TMEM200A: variants seen among roughly 807,000 people sequenced by gnomAD.
TMEM200A encodes transmembrane protein 200A, also known as two transmembrane C.
A neutral mutation model predicts 24.3 loss-of-function variants in TMEM200A; 12 were observed. The ratio of observed to expected loss-of-function variants is 0.49; its 90% CI spans 0.32 to 0.80. The LOEUF (loss-of-function observed/expected upper bound fraction) is 0.80, where lower values mean the gene tolerates loss of function less well. Among genes scored for constraint, TMEM200A ranks in the 30% least tolerant of loss-of-function variants. The probability of loss-of-function intolerance (pLI) is 0.04; values close to 1 mark genes in which losing one functional copy is unlikely to be tolerated. For missense variants in TMEM200A, 545 were observed against 614.4 expected (o/e 0.89, Z 1.19); for synonymous variants, 224 against 224.4 (o/e 1.00, Z 0.02).
intron 2 of TMEM200A, among the ~76,000 whole-genome samples, chr6:130,390,414 G>A (rs913146830): frequency 2.6e-5 from 4 of 152,206 alleles, no homozygotes; most frequent in African/African-American, 7.2e-5. Flanking sequence ...TTGTGTATCA[G>A]AGCAGCCCTA....
chr6:130,416,337 C>CTCTG (rs1554283337), intron 2 of TMEM200A, among the ~76,000 whole-genome samples: 10 of 149,044 alleles, frequency 6.7e-5, no homozygotes, highest in Non-Finnish European at 4.4e-5. Flanking sequence ...GTCTCTCTCT[C>CTCTG]TGTGTGTGTG....
upstream of TMEM200A, chr6:130,365,815 C>T: frequency 1.0e-6 from 1 of 985,598 alleles, no homozygotes; most frequent in Non-Finnish European, 1.2e-6. Context: ...CCGGCCTGGG[C>T]TCCTGCAGAG....
At chr6:130,367,665 G>T (rs543153962) in intron 1 of TMEM200A, among the ~76,000 whole-genome samples, 7 of 152,194 alleles carry the variant, frequency 4.6e-5, no homozygotes, top group Non-Finnish European at 8.8e-5. Context: ...GAAGTATGTA[G>T]TTGTAGTTTC....
chr6:130,383,662 G>A (rs1778651471), intron 1 of TMEM200A, among the ~76,000 whole-genome samples: 1 of 152,074 alleles, frequency 6.6e-6, no homozygotes, highest in South Asian at 2.1e-4. Flanking sequence ...TTGGCATCAA[G>A]GTAAAAATGA....
At position 130,366,047 on chromosome 6, in the gene TMEM200A, C is replaced by G. The variant is rs535387511; in HGVS notation, c.-558C>G. On this transcript the variant is annotated 5_prime_UTR_variant, in exon 1 of 3. Transcript: ENST00000296978. This position sits in a 1 kb window ranked among gnomAD's most constrained non-coding sequence, Gnocchi z 4.4. The stretch of plus-strand genomic sequence containing the variant: ...GAGCCGAGCAGAAAACTTTTCCCCT[C>G]CCGTTCCCGGTCCCTTTTGTCTTTC... The G allele has an allele frequency of 4.1e-6, 4 of 985,646 alleles. No individual in the cohort carries two copies. Among genetic ancestry groups the G allele is most frequent in the Non-Finnish European group, 4.8e-6 (4 of 830,094 alleles). 61.1% of individuals were successfully genotyped at this position (985,646 alleles called of 1,614,324 possible). A position where few individuals can be genotyped will look rare whatever the true frequency, so the allele number is the denominator to read the frequency against.
At chr6:130,390,082 T>C (rs1244102519) in intron 2 of TMEM200A, among the ~76,000 whole-genome samples, 4 of 152,350 alleles carry the variant, frequency 2.6e-5, no homozygotes, top group African/African-American at 9.6e-5. Context: ...TGTAAATGCT[T>C]ATCAGTTTTC....
chr6:130,386,750 GTCGTT>G (rs1158363879), intron 2 of TMEM200A, among the ~76,000 whole-genome samples: 1 of 152,222 alleles, frequency 6.6e-6, no homozygotes, highest in Non-Finnish European at 1.5e-5. Flanking sequence ...TTGTAAGAAT[GTCGTT>G]TCGACAGATA....
At chr6:130,380,634 G>T (rs1778574102) in intron 1 of TMEM200A, among the ~76,000 whole-genome samples, 1 of 152,110 alleles carries the variant, frequency 6.6e-6, no homozygotes, top group African/African-American at 2.4e-5. Flanking sequence ...GACCCTGAGG[G>T]AACATCACAT....
intron 1 of TMEM200A, among the ~76,000 whole-genome samples, chr6:130,376,695 C>CA (rs76247869): frequency 0.16 from 24,566 of 152,052 alleles, 2,227 homozygotes; most frequent in East Asian, 0.39. Context: ...AAATTGTATT[C>CA]AAAATGCTAA....
At chr6:130,430,018 G>C (rs1779838516) in intron 2 of TMEM200A, among the ~76,000 whole-genome samples, 1 of 152,180 alleles carries the variant, frequency 6.6e-6, no homozygotes, top group Non-Finnish European at 1.5e-5. Flanking sequence ...ATTTTGTACT[G>C]CTGGGTTTTT....
chr6:130,434,750 T>G (rs1210737798), intron 2 of TMEM200A, among the ~76,000 whole-genome samples: 1 of 152,136 alleles, frequency 6.6e-6, no homozygotes, highest in Admixed American at 6.6e-5. Flanking sequence ...AAGAAGAGCT[T>G]TTGTCTGCAA....
At chr6:130,394,738 T>C (rs767977423) in intron 2 of TMEM200A, among the ~76,000 whole-genome samples, 4 of 152,238 alleles carry the variant, frequency 2.6e-5, no homozygotes, top group Non-Finnish European at 5.9e-5. Context: ...CCAGTAGGCA[T>C]GCATGAGATG....
chr6:130,380,689 C>T (rs1033062147), intron 1 of TMEM200A, among the ~76,000 whole-genome samples: 2 of 152,166 alleles, frequency 1.3e-5, no homozygotes, highest in African/African-American at 2.4e-5. Context: ...CAGAGAGTCA[C>T]TGGTAGTACA....
At chr6:130,378,269 G>A (rs1480069156) in intron 1 of TMEM200A, among the ~76,000 whole-genome samples, 1 of 151,662 alleles carries the variant, frequency 6.6e-6, no homozygotes, top group Non-Finnish European at 1.5e-5. Context: ...ACATAAGTGG[G>A]GGTTTTATTG....
chr6:130,401,497 TTCTC>T (rs1404206513), intron 2 of TMEM200A, among the ~76,000 whole-genome samples: 1 of 151,400 alleles, frequency 6.6e-6, no homozygotes, highest in Admixed American at 6.6e-5. Flanking sequence ...CTCTCTTCCT[TTCTC>T]TCTTTCTTTT....
At chr6:130,412,139 G>T (rs1583208861) in intron 2 of TMEM200A, among the ~76,000 whole-genome samples, 2 of 137,922 alleles carry the variant, frequency 1.5e-5, no homozygotes, top group African/African-American at 5.6e-5. Flanking sequence ...AGCTCATCTT[G>T]TCCTTTTCCT....
At chr6:130,426,362 A>C (rs1779738452) in intron 2 of TMEM200A, among the ~76,000 whole-genome samples, 1 of 152,018 alleles carries the variant, frequency 6.6e-6, no homozygotes, top group Non-Finnish European at 1.5e-5. Flanking sequence ...TAGAGATTTA[A>C]TTTCAAGGCA....
intron 1 of TMEM200A, among the ~76,000 whole-genome samples, chr6:130,376,261 A>C (rs962393136): frequency 6.6e-6 from 1 of 152,208 alleles, no homozygotes; most frequent in South Asian, 2.1e-4. Flanking sequence ...TTAAATAATT[A>C]TCACATTCAA....
rs1018546182 is a variant in TMEM200A at position 130,423,456 on chromosome 6, C to G, written c.-16-16951C>G. Among the ~76,000 whole-genome samples, 6 of 152,046 alleles carry G rather than the reference C, an allele frequency of 3.9e-5. No individual in the cohort carries two copies. In the East Asian group the frequency reaches 1.2e-3, roughly 29 times the overall value. On this transcript the variant is annotated intron_variant, in intron 2 of 2. Transcript: ENST00000296978. ...TAGAATTCCTTTATTTGAATACACC[C>G]TAATTAGTTGGAAAATCGTTGCTTT...
Sources: gnomAD v4.1 joint callset for allele counts (sites outside exome capture counted in the v4.1 genomes callset) on GRCh38, gnomAD v4.1.1 for gene constraint, Gnocchi (gnomAD v3.1) non-coding constraint, MANE v1.5 for transcripts, NCBI Gene and HGNC (gene_info 2026-07-23, HGNC 2026-07-21) for gene names.